The following C1orf21 variants were observed in gnomAD, a reference collection of about 807,000 sequenced individuals.
The protein encoded by C1orf21 is chromosome 1 open reading frame 21.
A neutral mutation model predicts 18.7 loss-of-function variants in C1orf21; 3 were observed. The observed-to-expected ratio is 0.16, with a 90% CI of 0.07 to 0.42. C1orf21 has a LOEUF of 0.42. Among genes scored for constraint, C1orf21 ranks in the 10% least tolerant of loss-of-function variants. The pLI, the probability that C1orf21 is intolerant of heterozygous loss-of-function variation, is 0.99. For synonymous variants in C1orf21, 41 were observed against 46.4 expected (o/e 0.88, Z 0.47); for missense variants, 104 against 143.6 (o/e 0.72, Z 1.41).
chr1:184,584,462 T>C (rs1033039040), intron 3 of C1orf21, among the ~76,000 whole-genome samples: 2 of 152,106 alleles, frequency 1.3e-5, no homozygotes, highest in Non-Finnish European at 1.5e-5. Context: ...CCCTTCTGCA[T>C]TGTTGATGGG....
intron 1 of C1orf21, among the ~76,000 whole-genome samples, chr1:184,445,764 A>G (rs558596043): frequency 6.6e-6 from 1 of 152,318 alleles, no homozygotes; most frequent in South Asian, 2.1e-4. Context: ...TCATAGGTGC[A>G]TTTTGTAAAA....
intron 1 of C1orf21, among the ~76,000 whole-genome samples, chr1:184,423,470 G>C (rs1389489535): frequency 6.6e-6 from 1 of 152,142 alleles, no homozygotes; most frequent in African/African-American, 2.4e-5. Context: ...AATAGGCAAT[G>C]GGGAGCCACT....
intron 3 of C1orf21, among the ~76,000 whole-genome samples, chr1:184,559,215 C>T (rs954799730): frequency 9.2e-5 from 14 of 152,024 alleles, no homozygotes; most frequent in Non-Finnish European, 1.3e-4. Context: ...GTGCTATTTT[C>T]GCAATAGTGA....
At chr1:184,472,071 C>G (rs1392699011) in intron 1 of C1orf21, among the ~76,000 whole-genome samples, 1 of 151,910 alleles carries the variant, frequency 6.6e-6, no homozygotes, top group Admixed American at 6.6e-5. Flanking sequence ...CGGTGGGCTG[C>G]TGTATTAACA....
intron 1 of C1orf21, among the ~76,000 whole-genome samples, chr1:184,410,649 AT>A (rs1467800266): frequency 1.8e-4 from 1 of 5,592 alleles, no homozygotes; most frequent in African/African-American, 2.1e-3. Context: ...ATATATATAT[AT>A]ATATATATAT....
chr1:184,455,579 G>A (rs1657186191), intron 1 of C1orf21, among the ~76,000 whole-genome samples: 2 of 151,990 alleles, frequency 1.3e-5, no homozygotes, highest in South Asian at 4.1e-4. Context: ...TTCCCTTTGG[G>A]GACAGCGTGA....
intron 3 of C1orf21, among the ~76,000 whole-genome samples, chr1:184,529,906 C>T (rs1658433830): frequency 6.6e-6 from 1 of 152,176 alleles, no homozygotes; most frequent in Non-Finnish European, 1.5e-5. Flanking sequence ...CAAATAGACC[C>T]TGGTTCAGAT....
At chr1:184,595,646 G>A (rs138843338) in intron 4 of C1orf21, among the ~76,000 whole-genome samples, 2,133 of 152,298 alleles carry the variant, frequency 0.014, 36 homozygotes, top group Non-Finnish European at 0.021. Flanking sequence ...TAGGCCTCAT[G>A]CTTTCGGATG....
chr1:184,561,703 C>T (rs1558003191), intron 3 of C1orf21, among the ~76,000 whole-genome samples: 1 of 152,148 alleles, frequency 6.6e-6, no homozygotes, highest in Non-Finnish European at 1.5e-5. Flanking sequence ...CTGCAAACTA[C>T]ACCTTCCGGG....
At chr1:184,509,053 TTAA>T (rs937335919) in intron 3 of C1orf21, among the ~76,000 whole-genome samples, 3 of 152,218 alleles carry the variant, frequency 2.0e-5, no homozygotes, top group Non-Finnish European at 4.4e-5. Context: ...AATCTCATCC[TTAA>T]TAATAATATT....
chr1:184,572,201 T>C (rs1659122254), intron 3 of C1orf21, among the ~76,000 whole-genome samples: 1 of 152,220 alleles, frequency 6.6e-6, no homozygotes, highest in Non-Finnish European at 1.5e-5. Context: ...GCTGTGTTTC[T>C]CCATTATCAG....
chr1:184,410,663 A>ATATATATTTTT (rs67546366), intron 1 of C1orf21, among the ~76,000 whole-genome samples: 3 of 7,670 alleles, frequency 3.9e-4, no homozygotes, highest in Non-Finnish European at 3.8e-4. Context: ...ATATATATAT[A>ATATATATTTTT]TTTTTTTTTT....
chr1:184,509,538 T>C (rs1432356540), intron 3 of C1orf21, among the ~76,000 whole-genome samples: 1 of 152,190 alleles, frequency 6.6e-6, no homozygotes, highest in African/African-American at 2.4e-5. Flanking sequence ...ATTAAGTGAC[T>C]GTTCAGTTAT....
chr1:184,578,190 T>G (rs1217484455), intron 3 of C1orf21, among the ~76,000 whole-genome samples: 1 of 151,986 alleles, frequency 6.6e-6, no homozygotes, highest in East Asian at 1.9e-4. Flanking sequence ...ACTCCTGACC[T>G]CGTGATCCAC....
At chr1:184,541,814 CA>C (rs1241217669) in intron 3 of C1orf21, among the ~76,000 whole-genome samples, 5 of 152,084 alleles carry the variant, frequency 3.3e-5, no homozygotes, top group Non-Finnish European at 7.4e-5. Context: ...ATCTGGAAAC[CA>C]GGGGGATCAC....
chr1:184,444,358 A>C (rs558785485), intron 1 of C1orf21, among the ~76,000 whole-genome samples: 1 of 152,126 alleles, frequency 6.6e-6, no homozygotes, highest in African/African-American at 2.4e-5. Context: ...TCATGGGGTC[A>C]GTTTCCACCG....
intron 3 of C1orf21, among the ~76,000 whole-genome samples, chr1:184,521,662 A>G (rs116395053): frequency 2.0e-5 from 3 of 152,344 alleles, no homozygotes; most frequent in African/African-American, 7.2e-5. Flanking sequence ...ACTATTCTGT[A>G]TGGTACTGTA....
At chr1:184,401,778 CA>C (rs541965919) in intron 1 of C1orf21, among the ~76,000 whole-genome samples, 2,178 of 127,032 alleles carry the variant, frequency 0.017, 29 homozygotes, top group Middle Eastern at 0.025. Flanking sequence ...ACATTTACAG[CA>C]AAAAAAAAAA....
intron 3 of C1orf21, among the ~76,000 whole-genome samples, chr1:184,583,433 G>A (rs1659309822): frequency 6.6e-6 from 1 of 152,176 alleles, no homozygotes; most frequent in Non-Finnish European, 1.5e-5. Context: ...AGAAATGGAT[G>A]TTTTTCCCAA....
Sources: gnomAD v4.1 joint callset for allele counts (sites outside exome capture counted in the v4.1 genomes callset) on GRCh38, gnomAD v4.1.1 for gene constraint, MANE v1.5 for transcripts, NCBI Gene and HGNC (gene_info 2026-07-23, HGNC 2026-07-21) for gene names.